EPHA6: variants seen among roughly 807,000 people sequenced by gnomAD.
EPHA6 encodes the protein ephrin type-A receptor 6.
A neutral mutation model predicts 112.0 loss-of-function variants in EPHA6; 50 were observed. The ratio of observed to expected loss-of-function variants is 0.45; its 90% CI spans 0.36 to 0.56. EPHA6 has a LOEUF of 0.56. EPHA6 is among the 20% of genes least tolerant of loss of function. The pLI is 0.00. For synonymous variants in EPHA6, 529 were observed against 490.7 expected (o/e 1.08, Z -1.03); for missense variants, 1,280 against 1,417.4 (o/e 0.90, Z 1.56).
chr3:96,840,260 T>G (rs2107319278), intron 1 of EPHA6, among the ~76,000 whole-genome samples: 1 of 152,262 alleles, frequency 6.6e-6, no homozygotes, highest in South Asian at 2.1e-4. Context: ...GATACCCAAC[T>G]AATTCTGCCT....
Position 97,252,418 on chromosome 3 carries a change from TACAC to T in EPHA6, c.1606+8140_1606+8143del, listed in dbSNP as rs922569903. Among the ~76,000 whole-genome samples, 11 of 151,688 alleles carry T rather than the reference TACAC, an allele frequency of 7.3e-5. No individual in the cohort carries two copies. The East Asian group carries it at 1.6e-3, about 21-fold the overall frequency. On this transcript the variant is annotated intron_variant, in intron 5 of 17. Coordinates refer to ENST00000389672, the MANE Select transcript of EPHA6 (RefSeq NM_001080448.3). ...AGCTACACACACACACTCACACACATACACACACACACGCGCGCGCACGCACAGG... is the reference window on the plus strand; with the variant it reads ...AGCTACACACACACACTCACACACATACACACACGCGCGCGCACGCACAGG...
intron 11 of EPHA6, among the ~76,000 whole-genome samples, chr3:97,565,435 A>G (rs976310302): frequency 6.6e-6 from 1 of 152,342 alleles, no homozygotes; most frequent in African/African-American, 2.4e-5. Flanking sequence ...TCTGTGACAC[A>G]TCATAGTCAA....
intron 5 of EPHA6, among the ~76,000 whole-genome samples, chr3:97,342,446 T>G (rs2083352708): frequency 6.6e-6 from 1 of 152,174 alleles, no homozygotes. Flanking sequence ...GTGATTTGAT[T>G]TTTGCCTGTA....
At chr3:97,734,074 A>G (rs2171231) in intron 15 of EPHA6, among the ~76,000 whole-genome samples, 149,301 of 152,092 alleles carry the variant, frequency 0.98, 73,302 homozygotes, top group East Asian at 0.99. Context: ...TAAGAAATGG[A>G]GATAATAATA....
At chr3:96,865,906 T>C (rs1393483468) in intron 1 of EPHA6, among the ~76,000 whole-genome samples, 1 of 151,856 alleles carries the variant, frequency 6.6e-6, no homozygotes, top group Non-Finnish European at 1.5e-5. Context: ...ACAAAAACCC[T>C]CCTTAGTTGA....
chr3:97,643,774 C>T (rs979298038), intron 14 of EPHA6, among the ~76,000 whole-genome samples: 7 of 151,008 alleles, frequency 4.6e-5, no homozygotes, highest in African/African-American at 1.7e-4. Flanking sequence ...ACAGGAGCAC[C>T]CAGATTCATA....
intron 7 of EPHA6, chr3:97,466,467 G>A (rs747615693): frequency 3.4e-6 from 5 of 1,463,750 alleles, no homozygotes; most frequent in Admixed American, 1.7e-5. Flanking sequence ...TGAAAAGTGG[G>A]ACTTTATTGC....
chr3:97,609,456 G>A (rs1456610821), intron 12 of EPHA6, among the ~76,000 whole-genome samples: 1 of 151,258 alleles, frequency 6.6e-6, no homozygotes, highest in African/African-American at 2.4e-5. Context: ...CTCAATAATT[G>A]ACGATAAAGT....
At chr3:97,305,947 A>G (rs767236664) in intron 5 of EPHA6, among the ~76,000 whole-genome samples, 1 of 151,942 alleles carries the variant, frequency 6.6e-6, no homozygotes, top group Non-Finnish European at 1.5e-5. Flanking sequence ...AATATTTTAA[A>G]TTGTACATAA....
intron 10 of EPHA6, among the ~76,000 whole-genome samples, chr3:97,518,091 T>G (rs1415928044): frequency 6.6e-6 from 1 of 152,192 alleles, no homozygotes; most frequent in Admixed American, 6.5e-5. Flanking sequence ...TTGATTTCTC[T>G]TTCTTTGGGT....
At chr3:96,989,086 T>C (rs1230947793) in intron 3 of EPHA6, among the ~76,000 whole-genome samples, 1 of 152,174 alleles carries the variant, frequency 6.6e-6, no homozygotes, top group Non-Finnish European at 1.5e-5. Flanking sequence ...AAGAGGGTGT[T>C]TTCTACAGCA....
intron 3 of EPHA6, among the ~76,000 whole-genome samples, chr3:97,027,715 C>T (rs2044691459): frequency 6.6e-6 from 1 of 152,126 alleles, no homozygotes; most frequent in Non-Finnish European, 1.5e-5. Context: ...AGTCTCAGTT[C>T]CTTTTATAAC....
At chr3:96,978,199 TG>T (rs1340398287) in intron 2 of EPHA6, among the ~76,000 whole-genome samples, 1 of 152,024 alleles carries the variant, frequency 6.6e-6, no homozygotes, top group African/African-American at 2.4e-5. Context: ...GAAAATATAT[TG>T]ACTATTCATT....
intron 13 of EPHA6, among the ~76,000 whole-genome samples, chr3:97,634,878 A>T (rs1212552435): frequency 6.6e-6 from 1 of 151,782 alleles, no homozygotes; most frequent in African/African-American, 2.4e-5. Context: ...ATCAAAAATC[A>T]TGATTTAATG....
chr3:96,938,793 A>G (rs1180750948), intron 2 of EPHA6, among the ~76,000 whole-genome samples: 3 of 151,996 alleles, frequency 2.0e-5, no homozygotes, highest in Admixed American at 6.6e-5. Flanking sequence ...ATCAATACCT[A>G]ATTTATTGAG....
chr3:97,288,849 A>C (rs1216750674), intron 5 of EPHA6, among the ~76,000 whole-genome samples: 1 of 147,038 alleles, frequency 6.8e-6, no homozygotes, highest in Non-Finnish European at 1.5e-5. Flanking sequence ...ACTTTTTCAT[A>C]TGTGTGTGGG....
chr3:97,180,093 A>C (rs912085357), intron 3 of EPHA6, among the ~76,000 whole-genome samples: 1 of 152,052 alleles, frequency 6.6e-6, no homozygotes, highest in Non-Finnish European at 1.5e-5. Context: ...CTAAGCTGGC[A>C]CTTAAATCAC....
At chr3:97,000,747 C>G (rs757935136) in intron 3 of EPHA6, among the ~76,000 whole-genome samples, 1 of 151,368 alleles carries the variant, frequency 6.6e-6, no homozygotes, top group Non-Finnish European at 1.5e-5. Flanking sequence ...CAAGTAATTA[C>G]GGTAATCAGG....
chr3:97,111,298 T>G (rs2047716928), intron 3 of EPHA6, among the ~76,000 whole-genome samples: 1 of 152,192 alleles, frequency 6.6e-6, no homozygotes, highest in Non-Finnish European at 1.5e-5. Context: ...GAATTGAGTT[T>G]TTGAGATCTA....
Sources: gnomAD v4.1 joint callset for allele counts (sites outside exome capture counted in the v4.1 genomes callset) on GRCh38, gnomAD v4.1.1 for gene constraint, MANE v1.5 for transcripts, NCBI Gene and HGNC (gene_info 2026-07-23, HGNC 2026-07-21) for gene names.